SLC36A1: variants seen among roughly 807,000 people sequenced by gnomAD.
The protein encoded by SLC36A1 is proton-coupled amino acid transporter 1.
A neutral mutation model predicts 47.5 loss-of-function variants in SLC36A1; 30 were observed. The observed-to-expected ratio is 0.63, with a 90% CI of 0.47 to 0.86. The LOEUF is 0.86. Ranked by LOEUF, SLC36A1 falls within the 40% of genes least tolerant of loss-of-function variation. The probability of loss-of-function intolerance (pLI) is 0.00; values close to 1 mark genes in which losing one functional copy is unlikely to be tolerated. For synonymous variants in SLC36A1, 255 were observed against 249.7 expected, an observed-to-expected ratio of 1.02 and a Z score of -0.20; for missense variants, 517 against 606.0, an observed-to-expected ratio of 0.85 and a Z score of 1.54.
chr5:151,408,274 T>C, the SLC36A1 span, among the ~76,000 whole-genome samples: 7 of 152,138 alleles, frequency 4.6e-5, no homozygotes, highest in African/African-American at 1.7e-4. Context: ...CTGCAACTTC[T>C]GCCTCCCGGG....
chr5:151,454,638 ACT>A (rs1490714060), intron 1 of SLC36A1, among the ~76,000 whole-genome samples: 1 of 149,218 alleles, frequency 6.7e-6, no homozygotes, highest in Non-Finnish European at 1.5e-5. Context: ...AGCCCTCTTG[ACT>A]CTCCACGTAC....
the SLC36A1 span, chr5:151,549,216 C>T: frequency 4.3e-5 from 59 of 1,377,332 alleles, no homozygotes; most frequent in African/African-American, 2.3e-4. Flanking sequence ...GATTAATTTG[C>T]GAATTCATGC....
chr5:151,505,043 A>C, the SLC36A1 span: 1 of 164,802 alleles, frequency 6.1e-6, no homozygotes, highest in Non-Finnish European at 1.3e-5. Context: ...GGCAGAGGGG[A>C]CTGTGCCCGC....
intron 6 of SLC36A1, 41 bp from the exon 7 acceptor site, chr5:151,467,666 T>C (rs770829963): frequency 1.3e-6 from 2 of 1,537,104 alleles, no homozygotes; most frequent in Non-Finnish European, 9.0e-7. Context: ...GCCTCTGTTG[T>C]TTGAGAGGTG....
At chr5:151,522,069 G>A in the SLC36A1 span, 1 of 1,593,608 alleles carries the variant, frequency 6.3e-7, no homozygotes, top group Non-Finnish European at 8.6e-7. Context: ...AGAGGGGAGG[G>A]ATGCCACTGT....
At chr5:151,464,457 C>A in intron 3 of SLC36A1, 57 bp from the exon 4 acceptor site, 1 of 1,450,904 alleles carries the variant, frequency 6.9e-7, no homozygotes, top group Non-Finnish European at 9.6e-7. Flanking sequence ...CCATTGGGTT[C>A]ACTCCTAATT....
chr5:151,368,581 A>T, the SLC36A1 span, among the ~76,000 whole-genome samples: 13 of 152,160 alleles, frequency 8.5e-5, no homozygotes, highest in Non-Finnish European at 1.3e-4. Context: ...ACTTCACTGG[A>T]TAAGTCTTTT....
the SLC36A1 span, chr5:151,537,943 G>A: frequency 1.2e-6 from 2 of 1,613,758 alleles, no homozygotes; most frequent in Non-Finnish European, 1.7e-6. Flanking sequence ...CCAGTATAGA[G>A]AAGCTAGAGA....
the SLC36A1 span, among the ~76,000 whole-genome samples, chr5:151,393,898 G>A: frequency 1.8e-3 from 273 of 152,186 alleles, 1 homozygote; most frequent in African/African-American, 6.4e-3. Flanking sequence ...TGTTCTTCTC[G>A]AGGAGTATCT....
At chr5:151,401,712 T>A in the SLC36A1 span, among the ~76,000 whole-genome samples, 1 of 152,198 alleles carries the variant, frequency 6.6e-6, no homozygotes, top group Non-Finnish European at 1.5e-5. Flanking sequence ...GTAGTTCTCC[T>A]TGTAGAAACC....
chr5:151,551,204 A>G, the SLC36A1 span, among the ~76,000 whole-genome samples: 4 of 152,200 alleles, frequency 2.6e-5, no homozygotes, highest in Non-Finnish European at 4.4e-5. Flanking sequence ...TCATCCCCCT[A>G]TACCCATAGT....
At chr5:151,456,372 G>C (rs942669947) in intron 1 of SLC36A1, among the ~76,000 whole-genome samples, 1 of 152,218 alleles carries the variant, frequency 6.6e-6, no homozygotes, top group African/African-American at 2.4e-5. Flanking sequence ...GGAGTTGAGA[G>C]ATATTTTAGT....
At chr5:151,434,057 A>G (rs547648126), upstream of SLC36A1, among the ~76,000 whole-genome samples, 2 of 152,214 alleles carry the variant, frequency 1.3e-5, no homozygotes, top group African/African-American at 2.4e-5. Context: ...GTTCACAAGA[A>G]CCTAGACTGA....
chr5:151,520,396 A>G, the SLC36A1 span, among the ~76,000 whole-genome samples: 117,383 of 152,174 alleles, frequency 0.77, 45,588 homozygotes, highest in East Asian at 0.96. Flanking sequence ...AAGCTGTACA[A>G]TTTCAGGCAA....
chr5:151,414,972 ATTT>A, the SLC36A1 span, among the ~76,000 whole-genome samples: 3,366 of 152,092 alleles, frequency 0.022, 122 homozygotes, highest in African/African-American at 0.077. Flanking sequence ...GGCTCATTAC[ATTT>A]ATGTCCAGGT....
At chr5:151,473,792 T>C in intron 8 of SLC36A1, 21 bp downstream of exon 8, 1 of 1,570,208 alleles carries the variant, frequency 6.4e-7, no homozygotes, top group South Asian at 1.1e-5. Flanking sequence ...CACTGTGATT[T>C]GGGCTAGTGT....
chr5:151,369,244 CA>C, the SLC36A1 span, among the ~76,000 whole-genome samples: 1 of 152,164 alleles, frequency 6.6e-6, no homozygotes, highest in South Asian at 2.1e-4. Context: ...CTGGCTTTGG[CA>C]AAATAAATTA....
Position 151,464,544 on chromosome 5 carries a change from A to G in SLC36A1, c.265A>G (p.Ile89Val). Residue 89 changes from isoleucine to valine, a missense_variant, in exon 4 of 11, where the codon ATC becomes GTC. Ile to Val is a conservative substitution (Grantham distance 29, BLOSUM62 3). Coordinates refer to ENST00000243389, the MANE Select transcript of SLC36A1 (RefSeq NM_078483.4). ...MGPISLLIIG[I>V]VAVHCMGILV... ...TCCCATCAGCCTGCTGATCATAGGC[A>G]TCGTGGCCGTGCACTGCATGGGTAT... 2 of 1,614,118 alleles carry G rather than the reference A, an allele frequency of 1.2e-6. No homozygotes were observed. Among genetic ancestry groups the G allele is most frequent in the Non-Finnish European group, 1.7e-6 (2 of 1,180,034 alleles).
At position 151,439,050 on chromosome 5, in the gene SLC36A1, AG is replaced by A. The variant is rs140465431; in HGVS notation, c.-6+1873del. 6.6e-3 allele frequency among the ~76,000 whole-genome samples: 1,008 copies of A among 152,264 alleles called. 15 individuals are homozygous for A. Among genetic ancestry groups the A allele is most frequent in the East Asian group, 0.027 (138 of 5,174 alleles). ...TGATTCACAGTTCTACATGGCTGGG[AG>A]GCCTCAGGAAACTTACAGTCATGGC... is the stretch of plus-strand genomic sequence containing the variant. On this transcript the variant is annotated intron_variant, in intron 1 of 8. Transcript: ENST00000429484.
Sources: allele counts gnomAD v4.1 joint callset (sites outside exome capture counted in the v4.1 genomes callset), GRCh38; gene constraint gnomAD v4.1.1; transcripts MANE v1.5; gene names NCBI Gene and HGNC (gene_info 2026-07-23, HGNC 2026-07-21).